Variants in SNRNP200 observed in about 807,000 individuals in gnomAD.
The protein encoded by SNRNP200 is small nuclear ribonucleoprotein U5 subunit 200.
In SNRNP200, 66 loss-of-function variants were observed where a neutral mutation model predicts 255.2. The observed-to-expected ratio is 0.26, with a 90% CI of 0.21 to 0.32. SNRNP200 has a LOEUF of 0.32. Among genes scored for constraint, SNRNP200 ranks in the 10% least tolerant of loss-of-function variants. The pLI, the probability that SNRNP200 is intolerant of heterozygous loss-of-function variation, is 1.00. For synonymous variants in SNRNP200, 939 were observed against 1,027.8 expected, an observed-to-expected ratio of 0.91 and a Z score of 1.65; for missense variants, 1,585 against 2,749.8, an observed-to-expected ratio of 0.58 and a Z score of 9.47.
Position 96,287,331 on chromosome 2 carries a change from G to C in SNRNP200, c.3484+108C>G. ...AGCCTGTACTTCAGTGGGACTTGGG[G>C]AGTGAACACAGGATACTAATGCACA... On this transcript the variant is annotated intron_variant, in intron 26 of 44. Transcript: ENST00000323853. The surrounding 1 kb of genome is among the most constrained non-coding windows in gnomAD (Gnocchi z 5.7). 1 of 1,164,892 alleles carries C rather than the reference G, an allele frequency of 8.6e-7. No individual in the cohort carries two copies. 72.2% of individuals were successfully genotyped at this position (1,164,892 alleles called of 1,614,324 possible). A position where few individuals can be genotyped will look rare whatever the true frequency, so the allele number is the denominator to read the frequency against.
intron 43 of SNRNP200, 107 bp from the exon 44 acceptor site, chr2:96,275,456 C>G (rs1684639508): frequency 3.2e-6 from 3 of 931,678 alleles, no homozygotes; most frequent in Admixed American, 3.7e-5. Flanking sequence ...AGATAGCTTT[C>G]CAAAGTTTCT....
chr2:96,293,459 T>C lies in SNRNP200; in HGVS notation c.1893A>G (p.Leu631=). The C allele has an allele frequency of 6.2e-7, 1 of 1,612,896 alleles. No individual in the cohort carries two copies. The highest frequency in any genetic ancestry group is 8.5e-7 in the Non-Finnish European group (1 of 1,180,026). The change falls in exon 15 of 45, where the codon TTA becomes TTG. Residue 631 remains leucine (L), a synonymous_variant. Transcript: ENST00000323853. ...CAATGTTTCGGATGGCCCTGGCCAC[T>C]AAAGCTTCTAAGACAGGACCTCTGT... is the stretch of plus-strand genomic sequence containing the variant. ...HDDRGPVLEA[L]VARAIRNIEM...
At position 96,283,946 on chromosome 2, in the gene SNRNP200, G is replaced by A. The variant is rs1254666801; in HGVS notation, c.4451C>T (p.Pro1484Leu). ...AGAGCTGAGTGCCACAATGCGAATG[G>A]GCCGCTCAATCTGGGAGGAGATGTA... ...MRYISSQIERPIRIVALSSSL... is the reference protein window; with the variant it reads ...MRYISSQIERLIRIVALSSSL... The change falls in exon 32 of 45, where the codon CCC (proline) becomes CTC (leucine). Residue 1484 changes from proline (P) to leucine (L), a missense_variant. By Grantham distance (98) the Pro-to-Leu change is moderately conservative. Around this residue, in one of 9 missense-constraint regions of SNRNP200, gnomAD observed 719 missense variants for 1,091.1 expected, o/e 0.66. Coordinates refer to ENST00000323853, the MANE Select transcript of SNRNP200 (RefSeq NM_014014.5). The surrounding 1 kb of genome is among the most constrained non-coding windows in gnomAD (Gnocchi z 4.7). 6.2e-7 allele frequency: 1 copy of A among 1,600,816 alleles called. No individual in the cohort carries two copies. Among genetic ancestry groups the A allele is most frequent in the African/African-American group, 1.3e-5 (1 of 74,460 alleles).
At chr2:96,295,445 TG>T (rs775255467) in intron 14 of SNRNP200, 42 bp downstream of exon 14, 12 of 1,610,696 alleles carry the variant, frequency 7.5e-6, no homozygotes, top group Non-Finnish European at 1.0e-5. Context: ...AAACCCGCCC[TG>T]ACACAACTGG....
chr2:96,296,782 G>C (rs769403681), intron 12 of SNRNP200, 91 bp from the exon 13 acceptor site: 12 of 1,565,610 alleles, frequency 7.7e-6, no homozygotes, highest in African/African-American at 2.7e-5. Context: ...ATAGAGAATA[G>C]AGCTTGTCCT....
chr2:96,287,329 G>C lies in SNRNP200; in HGVS notation c.3484+110C>G. The C allele has an allele frequency of 8.6e-7, 1 of 1,167,770 alleles. No individual in the cohort carries two copies. The highest frequency in any genetic ancestry group is 1.2e-5 in the South Asian group (1 of 81,386). 72.3% of individuals were successfully genotyped at this position (1,167,770 alleles called of 1,614,324 possible). On this transcript the variant is annotated intron_variant, in intron 26 of 44. Coordinates refer to ENST00000323853, the MANE Select transcript of SNRNP200 (RefSeq NM_014014.5). This position sits in a 1 kb window ranked among gnomAD's most constrained non-coding sequence, Gnocchi z 5.7. The stretch of plus-strand genomic sequence containing the variant: ...CCAGCCTGTACTTCAGTGGGACTTG[G>C]GGAGTGAACACAGGATACTAATGCA...
intron 29 of SNRNP200, among the ~76,000 whole-genome samples, chr2:96,285,801 G>T (rs951626868): frequency 3.3e-5 from 5 of 152,200 alleles, no homozygotes; most frequent in Non-Finnish European, 1.5e-5. Context: ...TTATCAGTTG[G>T]TTCAACTGGG....
At position 96,276,894 on chromosome 2, in the gene SNRNP200, C is replaced by T; in HGVS notation, c.6174+10G>A. The T allele has an allele frequency of 6.2e-7, 1 of 1,614,042 alleles. No homozygotes were observed. The highest frequency in any genetic ancestry group is 2.2e-5 in the East Asian group (1 of 44,888). On this transcript the variant is annotated intron_variant, in intron 43 of 44. Transcript: ENST00000323853. Reference sequence around the variant, plus strand: ...GTTGACACCTGACCAAGCCAGCTACCAGGACGCACCTGCGGGAAGAGAGGC... The same window carrying T: ...GTTGACACCTGACCAAGCCAGCTACTAGGACGCACCTGCGGGAAGAGAGGC...
At chr2:96,279,714 C>A in intron 35 of SNRNP200, 155 bp from the exon 36 acceptor site, 4 of 664,592 alleles carry the variant, frequency 6.0e-6, no homozygotes, top group South Asian at 1.5e-5. Context: ...TCTGCACTTA[C>A]AACTAGCTTC....
chr2:96,287,169 AAATG>A lies in SNRNP200; in HGVS notation c.3485-13_3485-10del. On this transcript the variant is annotated splice_polypyrimidine_tract_variant and intron_variant, in intron 26 of 44. Transcript: ENST00000323853. The surrounding 1 kb of genome is among the most constrained non-coding windows in gnomAD (Gnocchi z 5.7). ...CATGCGGATAAGCTCCCCTACAAGG[AAATG>A]AGAGTACTGAGGCTGCAGCCCAGCC... is the stretch of plus-strand genomic sequence containing the variant. 6.2e-7 allele frequency: 1 copy of A among 1,614,222 alleles called. No individual in the cohort carries two copies.
intron 13 of SNRNP200, 33 bp from the exon 14 acceptor site, chr2:96,295,691 C>G: frequency 1.9e-6 from 3 of 1,609,460 alleles, no homozygotes; most frequent in Middle Eastern, 1.7e-4. Context: ...GGCAGGAATG[C>G]TTGAAGGGGC....
chr2:96,288,384 G>A (rs2063856851), intron 24 of SNRNP200, among the ~76,000 whole-genome samples: 1 of 152,208 alleles, frequency 6.6e-6, no homozygotes, highest in Admixed American at 6.5e-5. Flanking sequence ...TTTGCTGCTG[G>A]GAAGCAGACA....
Position 96,276,896 on chromosome 2 carries a change from G to C in SNRNP200, c.6174+8C>G. ...TGACACCTGACCAAGCCAGCTACCA[G>C]GACGCACCTGCGGGAAGAGAGGCGC... On this transcript the variant is annotated splice_region_variant and intron_variant, in intron 43 of 44. Coordinates refer to ENST00000323853, the MANE Select transcript of SNRNP200 (RefSeq NM_014014.5). 1 of 1,614,022 alleles carries C rather than the reference G, an allele frequency of 6.2e-7. No homozygotes were observed. Among genetic ancestry groups the C allele is most frequent in the Non-Finnish European group, 8.5e-7 (1 of 1,179,930 alleles).
At chr2:96,275,481 T>G in intron 43 of SNRNP200, 132 bp from the exon 44 acceptor site, 1 of 787,082 alleles carries the variant, frequency 1.3e-6, no homozygotes, top group Non-Finnish European at 2.2e-6. Flanking sequence ...GAAATACAAT[T>G]AGATTTAACA....
At chr2:96,276,690 G>C (rs1177121857) in intron 43 of SNRNP200, 1 of 645,328 alleles carries the variant, frequency 1.5e-6, no homozygotes, top group South Asian at 1.5e-5. Context: ...AAAGTGCTGG[G>C]ATTACAGGCG....
intron 43 of SNRNP200, 65 bp downstream of exon 43, chr2:96,276,839 T>C (rs1003228107): frequency 9.7e-5 from 141 of 1,458,978 alleles, no homozygotes; most frequent in Non-Finnish European, 1.3e-4. Flanking sequence ...TGTGCCCTTG[T>C]ACCAAGCACC....
At position 96,286,969 on chromosome 2, in the gene SNRNP200, A is replaced by G. The variant is rs745532055; in HGVS notation, c.3639+37T>C. 5.0e-6 allele frequency: 8 copies of G among 1,613,908 alleles called. No individual in the cohort carries two copies. Among genetic ancestry groups the G allele is most frequent in the Non-Finnish European group, 6.8e-6 (8 of 1,179,906 alleles). ...CTCGGCCCAGCAACGTAGACTGAGC[A>G]CCTCCAATCCAGCACCTCTGCCCAG... is the stretch of plus-strand genomic sequence containing the variant. On this transcript the variant is annotated intron_variant, in intron 27 of 44. Coordinates refer to ENST00000323853, the MANE Select transcript of SNRNP200 (RefSeq NM_014014.5). This position sits in a 1 kb window ranked among gnomAD's most constrained non-coding sequence, Gnocchi z 4.8.
chr2:96,288,969 A>T, intron 23 of SNRNP200, 68 bp downstream of exon 23: 1 of 1,441,374 alleles, frequency 6.9e-7, no homozygotes, highest in Non-Finnish European at 9.6e-7. Context: ...TTCAAGGTTC[A>T]TCTTTTAGAA....
chr2:96,275,192 C>T (rs1169290956), intron 44 of SNRNP200, 37 bp from the exon 45 acceptor site: 8 of 1,614,064 alleles, frequency 5.0e-6, no homozygotes, highest in South Asian at 3.3e-5. Context: ...TGAGCATGGA[C>T]ACAGGAAGCA....
Sources: allele counts gnomAD v4.1 joint callset (sites outside exome capture counted in the v4.1 genomes callset), GRCh38; gene constraint gnomAD v4.1.1; regional missense constraint gnomAD v4.1.1; non-coding constraint Gnocchi (gnomAD v3.1); transcripts MANE v1.5; gene names NCBI Gene and HGNC (gene_info 2026-07-23, HGNC 2026-07-21).